The following TAF1C variants were observed in gnomAD, a reference collection of about 807,000 sequenced individuals.
TAF1C encodes the protein TATA-box binding protein associated factor, RNA polymerase I subunit C, also known as TATA box-binding protein-associated factor RNA polymerase I subunit C.
Under a neutral mutation model 70.5 loss-of-function variants are expected in TAF1C, and 79 were observed. The ratio of observed to expected loss-of-function variants is 1.12; its 90% CI spans 0.93 to 1.35. TAF1C has a LOEUF of 1.35. TAF1C is among the 40% of genes most tolerant of loss of function. The probability of loss-of-function intolerance (pLI) is 0.00; values close to 1 mark genes in which losing one functional copy is unlikely to be tolerated. For missense variants in TAF1C, 1,412 were observed against 1,127.8 expected (o/e 1.25, Z -3.61); for synonymous variants, 614 against 491.1 (o/e 1.25, Z -3.31).
Position 84,183,860 on chromosome 16 carries a change from T to C in TAF1C, c.139-82A>G, listed in dbSNP as rs1004674926. 7 of 1,051,282 alleles carry C rather than the reference T, an allele frequency of 6.7e-6. No individual in the cohort carries two copies. In the African/African-American group the frequency reaches 1.1e-4, roughly 17 times the overall value. The allele number at this position is 1,051,282 out of a possible 1,614,324, so 65.1% of individuals were successfully genotyped here. ...GCTGTGCACAGGCATTCATCTCTTA[T>C]CAACTCATCCAATCCTCACAACAAT... On this transcript the variant is annotated intron_variant, in intron 2 of 14. Coordinates refer to ENST00000566732, the MANE Select transcript of TAF1C (RefSeq NM_001243156.2).
Position 84,181,317 on chromosome 16 carries a change from C to A in TAF1C, c.1164+11G>T, listed in dbSNP as rs1166003020. 1.1e-5 allele frequency: 17 copies of A among 1,611,988 alleles called. No individual in the cohort carries two copies. The highest frequency in any genetic ancestry group is 1.4e-5 in the Non-Finnish European group (17 of 1,178,832). On this transcript the variant is annotated intron_variant, in intron 11 of 14. Transcript: ENST00000566732. The stretch of plus-strand genomic sequence containing the variant: ...CGCAGTCGGGGTGGGTCCTCTGCCG[C>A]CAGCCCGTACCTGAGTGTCCAGCAT...
Position 84,183,433 on chromosome 16 carries a change from C to T in TAF1C, c.295G>A (p.Val99Ile), listed in dbSNP as rs1471058551. 1 of 1,612,530 alleles carries T rather than the reference C, an allele frequency of 6.2e-7. No individual in the cohort carries two copies. The highest frequency in any genetic ancestry group is 8.5e-7 in the Non-Finnish European group (1 of 1,179,216). ...ACCTGCTCAGTCACATCCAGCACGA[C>T]TCGGGGCCGCTTCCGATACCGGCAC... ...GGCRYRKRPRVVLDVTEQISR... is the reference protein window; with the variant it reads ...GGCRYRKRPRIVLDVTEQISR... The change falls in exon 4 of 15, where the codon GTC (valine) becomes ATC (isoleucine). Residue 99 changes from valine to isoleucine, a missense_variant. Transcript: ENST00000566732.
At position 84,182,521 on chromosome 16, in the gene TAF1C, G is replaced by C; in HGVS notation, c.483-81C>G. 1 of 1,280,866 alleles carries C rather than the reference G, an allele frequency of 7.8e-7. No individual in the cohort carries two copies. The highest frequency in any genetic ancestry group is 1.1e-6 in the Non-Finnish European group (1 of 935,626). The allele number at this position is 1,280,866 out of a possible 1,614,324, so 79.3% of individuals were successfully genotyped here. A position where few individuals can be genotyped will look rare whatever the true frequency, so the allele number is the denominator to read the frequency against. ...TCCCATCCCAAGGAGGCCAAGTGCA[G>C]TGGACACATTTCTTATTTACCTAGA... On this transcript the variant is annotated intron_variant, in intron 6 of 14. Transcript: ENST00000566732. This position sits in a 1 kb window ranked among gnomAD's most constrained non-coding sequence, Gnocchi z 5.0.
chr16:84,183,001 G>T, intron 6 of TAF1C, 75 bp downstream of exon 6: 1 of 1,474,216 alleles, frequency 6.8e-7, no homozygotes, highest in Non-Finnish European at 9.5e-7. Flanking sequence ...AAAGCTGTAC[G>T]TGCGTCCTAG....
rs756615034 is a variant in TAF1C at position 84,179,204 on chromosome 16, C to G, written c.2269G>C (p.Ala757Pro). Reference protein sequence around the residue: ...SSPHSPEWPPADALPLPPTTP... With the variant: ...SSPHSPEWPPPDALPLPPTTP... The stretch of plus-strand genomic sequence containing the variant: ...GTGGGGGGCAGGGGCAGAGCATCAG[C>G]AGGTGGCCACTCAGGGCTATGAGGG... Residue 757 changes from alanine to proline, a missense_variant, in exon 15 of 15, where the codon GCT becomes CCT. Coordinates refer to ENST00000566732, the MANE Select transcript of TAF1C (RefSeq NM_001243156.2). The G allele has an allele frequency of 5.0e-6, 8 of 1,586,778 alleles. No homozygotes were observed. In the African/African-American group the frequency reaches 1.1e-4, roughly 21 times the overall value.
chr16:84,179,073 C>T lies in TAF1C; in HGVS notation c.2400G>A (p.Arg800=). ...RDYMAKLPPQ[R]DTPGCATTPP... ...GTGTGGTGGCACAGCCTGGGGTGTC[C>T]CTCTGGGGTGGTAGCTTGGCCATGT... The change falls in exon 15 of 15, where the codon AGG becomes AGA. Residue 800 remains arginine, a synonymous_variant. Coordinates refer to ENST00000566732, the MANE Select transcript of TAF1C (RefSeq NM_001243156.2). 6.2e-7 allele frequency: 1 copy of T among 1,610,604 alleles called. No individual in the cohort carries two copies. Among genetic ancestry groups the T allele is most frequent in the African/African-American group, 1.3e-5 (1 of 75,050 alleles).
At chr16:84,180,593 T>TG in intron 12 of TAF1C, 1 of 578,780 alleles carries the variant, frequency 1.7e-6, no homozygotes. Context: ...AGAAGAGGTG[T>TG]GGGGGAGCCT....
At chr16:84,186,057 C>A (rs1403224318) in intron 1 of TAF1C, among the ~76,000 whole-genome samples, 1 of 152,244 alleles carries the variant, frequency 6.6e-6, no homozygotes, top group African/African-American at 2.4e-5. Context: ...CTGCCAGGCA[C>A]ATGCTAAATG....
chr16:84,185,706 G>C (rs3785033), intron 1 of TAF1C: 94,318 of 152,154 alleles, frequency 0.62, 29,803 homozygotes, highest in African/African-American at 0.72. Flanking sequence ...TTCGAGACTG[G>C]CCTGACCAAT....
At position 84,179,047 on chromosome 16, in the gene TAF1C, G is replaced by A. The variant is rs114205237; in HGVS notation, c.2426C>T (p.Pro809Leu). Residue 809 changes from proline to leucine, a missense_variant, in exon 15 of 15, where the codon CCT (proline) becomes CTT (leucine). Physicochemically the swap from Pro to Leu is moderately conservative, Grantham distance 98. Transcript: ENST00000566732. ...QRDTPGCATT[P>L]PHSQASSVRA... Reference sequence around the variant, plus strand: ...GACGCTGGAGGCCTGGGAGTGGGGAGGTGTGGTGGCACAGCCTGGGGTGTC... The same window carrying A: ...GACGCTGGAGGCCTGGGAGTGGGGAAGTGTGGTGGCACAGCCTGGGGTGTC... 48 of 1,610,842 alleles carry A rather than the reference G, an allele frequency of 3.0e-5. No homozygotes were observed. The South Asian group carries it at 4.1e-4, about 14-fold the overall frequency.
intron 3 of TAF1C, 25 bp downstream of exon 3, chr16:84,183,672 G>A: frequency 1.2e-6 from 2 of 1,602,016 alleles, no homozygotes; most frequent in East Asian, 2.2e-5. Context: ...AGTGTGGAGT[G>A]AGCCCGGGGG....
chr16:84,183,221 C>T, intron 5 of TAF1C, 23 bp downstream of exon 5: 2 of 1,614,026 alleles, frequency 1.2e-6, no homozygotes, highest in South Asian at 1.1e-5. Context: ...GAGTCCCCAC[C>T]CCTGGAGTCA....
chr16:84,185,354 C>G (rs1028904964), intron 1 of TAF1C: 3 of 171,108 alleles, frequency 1.8e-5, no homozygotes, highest in Non-Finnish European at 2.5e-5. Flanking sequence ...TGTGAAAATC[C>G]TAGAGCAGTG....
In TAF1C at chr16:84,183,124, A is replaced by G. The variant is rs1005929693; in HGVS notation, c.434T>C (p.Val145Ala). Residue 145 changes from valine (V) to alanine (A), a missense_variant, in exon 6 of 15, where the codon GTC (valine) becomes GCC (alanine). Coordinates refer to ENST00000566732, the MANE Select transcript of TAF1C (RefSeq NM_001243156.2). ...GTCCTGGAGCAGCTTCTTCACACTGACCACTGTCTTCTTCTTAGTGCGGCT... is the reference window on the plus strand; with the variant it reads ...GTCCTGGAGCAGCTTCTTCACACTGGCCACTGTCTTCTTCTTAGTGCGGCT... ...AGSRTKKKTV[V>A]SVKKLLQDLG... is the part of the protein sequence containing the mutation. The G allele has an allele frequency of 6.2e-6, 10 of 1,613,780 alleles. No individual in the cohort carries two copies. Among genetic ancestry groups the G allele is most frequent in the Non-Finnish European group, 8.5e-6 (10 of 1,180,002 alleles).
At chr16:84,180,111 T>C (rs1445458180) in intron 13 of TAF1C, 28 bp from the exon 14 acceptor site, 3 of 1,576,384 alleles carry the variant, frequency 1.9e-6, no homozygotes, top group East Asian at 2.2e-5. Context: ...GCTGAGGCCC[T>C]GTCCAGGCCC....
In TAF1C at chr16:84,181,861, G is replaced by C; in HGVS notation, c.841C>G (p.Leu281Val). The C allele has an allele frequency of 6.2e-7, 1 of 1,614,216 alleles. No individual in the cohort carries two copies. The change falls in exon 9 of 15, where the codon CTG becomes GTG. Residue 281 changes from leucine (L) to valine (V), a missense_variant and splice_region_variant. By Grantham distance (32) the Leu-to-Val change is conservative. Coordinates refer to ENST00000566732, the MANE Select transcript of TAF1C (RefSeq NM_001243156.2). ...TGGTAGTCAGAGCGGACGGCCAGCA[G>C]AGCTGAGGAGGGATGGAAAGGGCCA... Reference protein sequence around the residue: ...VVTCTVQGETLLAVRSDYHCA... With the variant: ...VVTCTVQGETVLAVRSDYHCA...
intron 12 of TAF1C, 132 bp downstream of exon 12, chr16:84,180,911 G>T (rs2089139225): frequency 1.4e-6 from 2 of 1,441,148 alleles, no homozygotes; most frequent in Non-Finnish European, 1.8e-6. Flanking sequence ...TTGGGCCACA[G>T]ATTCATCCAG....
chr16:84,185,807 G>T (rs906657045), intron 1 of TAF1C, among the ~76,000 whole-genome samples: 2 of 152,196 alleles, frequency 1.3e-5, no homozygotes, highest in Non-Finnish European at 2.9e-5. Flanking sequence ...GGCTGAGGCA[G>T]GAGAATTCCT....
intron 1 of TAF1C, among the ~76,000 whole-genome samples, chr16:84,185,758 G>A (rs1455259791): frequency 6.6e-6 from 1 of 152,126 alleles, no homozygotes; most frequent in Non-Finnish European, 1.5e-5. Flanking sequence ...AAATTAGCCG[G>A]GCGTGGTGAC....
Sources: gnomAD v4.1 joint callset for allele counts (sites outside exome capture counted in the v4.1 genomes callset) on GRCh38, gnomAD v4.1.1 for gene constraint, Gnocchi (gnomAD v3.1) non-coding constraint, MANE v1.5 for transcripts, NCBI Gene and HGNC (gene_info 2026-07-23, HGNC 2026-07-21) for gene names.